The following OBP2B variants were observed in gnomAD, a reference collection of about 807,000 sequenced individuals.
OBP2B encodes odorant binding protein 2B, also known as odorant-binding protein 2b.
OBP2B carries 10 observed loss-of-function variants against 21.7 expected under a neutral mutation model. The ratio of observed to expected loss-of-function variants is 0.46; its 90% confidence interval spans 0.28 to 0.78. The LOEUF is 0.78. Ranked by LOEUF, OBP2B falls within the 30% of genes least tolerant of loss-of-function variation. The probability of loss-of-function intolerance (pLI) is 0.11; values close to 1 mark genes in which losing one functional copy is unlikely to be tolerated. For missense variants in OBP2B, 153 were observed against 217.7 expected (o/e 0.70, Z 1.87); for synonymous variants, 73 against 91.5 (o/e 0.80, Z 1.16).
chr9:133,218,543 A>C, the OBP2B span, among the ~76,000 whole-genome samples: 2 of 152,236 alleles, frequency 1.3e-5, no homozygotes, highest in Non-Finnish European at 2.9e-5. Flanking sequence ...CTGGGCATCC[A>C]GGAGAACAGG....
At chr9:133,211,662 C>T (rs1293849271), upstream of OBP2B, among the ~76,000 whole-genome samples, 1 of 152,164 alleles carries the variant, frequency 6.6e-6, no homozygotes, top group African/African-American at 2.4e-5. Flanking sequence ...TCAGATGGTC[C>T]TCAGAAGGAC....
chr9:133,221,977 C>A, the OBP2B span, among the ~76,000 whole-genome samples: 2 of 152,316 alleles, frequency 1.3e-5, no homozygotes, highest in South Asian at 2.1e-4. Context: ...GCAGAATCAT[C>A]CCCTCCTCCT....
In OBP2B at chr9:133,208,223, C is replaced by T. The variant is rs115922547; in HGVS notation, c.207-20G>A. 465 of 1,611,640 alleles carry T rather than the reference C, an allele frequency of 2.9e-4. No individual in the cohort carries two copies. The African/African-American group carries it at 4.2e-3, about 15-fold the overall frequency. On this transcript the variant is annotated intron_variant, in intron 2 of 6. Coordinates refer to ENST00000372034, the MANE Select transcript of OBP2B (RefSeq NM_014581.4). ...TCCCTCCTGGAAAACAGGAGACACG[C>T]GGGCAGCGGCTCCCAGGACACCCAT...
Position 133,208,224 on chromosome 9 carries a change from G to A in OBP2B, c.207-21C>T, listed in dbSNP as rs201677060. On this transcript the variant is annotated intron_variant, in intron 2 of 6. Coordinates refer to ENST00000372034, the MANE Select transcript of OBP2B (RefSeq NM_014581.4). ...CCCTCCTGGAAAACAGGAGACACGCGGGCAGCGGCTCCCAGGACACCCATG... is the reference window on the plus strand; with the variant it reads ...CCCTCCTGGAAAACAGGAGACACGCAGGCAGCGGCTCCCAGGACACCCATG... 6.4e-4 allele frequency: 1,037 copies of A among 1,611,578 alleles called. 2 individuals are homozygous for A. The highest frequency in any genetic ancestry group is 6.5e-4 in the Non-Finnish European group (771 of 1,179,486).
chr9:133,216,141 A>G, the OBP2B span, among the ~76,000 whole-genome samples: 3 of 151,758 alleles, frequency 2.0e-5, no homozygotes, highest in East Asian at 1.9e-4. Flanking sequence ...TTAACAGAAT[A>G]AAAAGACAAG....
chr9:133,211,459 G>A (rs1833915916), upstream of OBP2B, among the ~76,000 whole-genome samples: 1 of 152,188 alleles, frequency 6.6e-6, no homozygotes, highest in Non-Finnish European at 1.5e-5. Flanking sequence ...GATCGTTCCT[G>A]GTGCACGGAC....
upstream of OBP2B, among the ~76,000 whole-genome samples, chr9:133,210,358 C>T (rs549594334): frequency 5.9e-5 from 9 of 152,266 alleles, no homozygotes; most frequent in South Asian, 1.9e-3. Flanking sequence ...TACTAATGCA[C>T]ACTCTAATAA....
chr9:133,205,802 C>G, intron 6 of OBP2B, 115 bp downstream of exon 6: 1 of 1,324,308 alleles, frequency 7.6e-7, no homozygotes, highest in Non-Finnish European at 1.1e-6. Flanking sequence ...CGTGCCTGAC[C>G]CTGGGGGGGT....
upstream of OBP2B, among the ~76,000 whole-genome samples, chr9:133,209,953 A>G (rs1220634809): frequency 1.3e-5 from 2 of 151,944 alleles, no homozygotes; most frequent in East Asian, 1.9e-4. This position sits in a 1 kb window ranked among gnomAD's most constrained non-coding sequence, Gnocchi z 6.0. Flanking sequence ...TGTCCTGTCC[A>G]TTTCTTCCTG....
intron 1 of OBP2B, 99 bp from the exon 2 acceptor site, chr9:133,208,701 C>T: frequency 6.6e-7 from 1 of 1,525,008 alleles, no homozygotes; most frequent in Non-Finnish European, 8.8e-7. Context: ...CCCATGGTGC[C>T]CGGCTGCTGC....
upstream of OBP2B, among the ~76,000 whole-genome samples, chr9:133,210,228 G>A (rs571749688): frequency 7.9e-5 from 12 of 152,210 alleles, no homozygotes; most frequent in Admixed American, 6.5e-4. Context: ...CCAGGTGTGT[G>A]TCATCTTCCC....
chr9:133,207,980 G>T, intron 3 of OBP2B, 153 bp downstream of exon 3: 2 of 1,526,454 alleles, frequency 1.3e-6, no homozygotes, highest in Non-Finnish European at 1.8e-6. Flanking sequence ...AGGGCCACCA[G>T]CCCCCCAGGA....
upstream of OBP2B, among the ~76,000 whole-genome samples, chr9:133,213,824 T>C (rs1833944099): frequency 6.6e-6 from 1 of 152,182 alleles, no homozygotes; most frequent in South Asian, 2.1e-4. Context: ...GTCCATATGG[T>C]TTCATTAGAA....
At chr9:133,207,188 C>T (rs782701687) in intron 4 of OBP2B, 38 bp downstream of exon 4, 33 of 1,391,944 alleles carry the variant, frequency 2.4e-5, no homozygotes, top group East Asian at 1.1e-4. Flanking sequence ...AGGCAGAGAC[C>T]GTGGGGCAGG....
Position 133,207,208 on chromosome 9 carries a change from C to T in OBP2B, c.388+18G>A. ...GAGACCGTGGGGCAGGACACGCAGA[C>T]CCCAGCAAGCCCCTCACCCACAAGC... On this transcript the variant is annotated intron_variant, in intron 4 of 6. Transcript: ENST00000372034. 6.4e-7 allele frequency: 1 copy of T among 1,560,080 alleles called. No homozygotes were observed. Among genetic ancestry groups the T allele is most frequent in the Non-Finnish European group, 8.8e-7 (1 of 1,130,758 alleles).
upstream of OBP2B, among the ~76,000 whole-genome samples, chr9:133,213,375 A>G (rs1251357487): frequency 2.0e-5 from 3 of 152,242 alleles, no homozygotes; most frequent in African/African-American, 7.2e-5. Context: ...ACCTAGAAAA[A>G]GAAGAGCAAA....
At chr9:133,210,447 C>T (rs1442388445), upstream of OBP2B, among the ~76,000 whole-genome samples, 1 of 152,088 alleles carries the variant, frequency 6.6e-6, no homozygotes. Flanking sequence ...AGCAGAAACC[C>T]CCCACCCTCA....
rs1440252683 is a variant in OBP2B at position 133,205,341 on chromosome 9, G to C, written c.*72C>G. The C allele has an allele frequency of 1.1e-5, 17 of 1,530,188 alleles. No individual in the cohort carries two copies. The Admixed American group carries it at 1.8e-4, about 16-fold the overall frequency. 94.8% of individuals were successfully genotyped at this position (1,530,188 alleles called of 1,614,324 possible). On this transcript the variant is annotated 3_prime_UTR_variant, in exon 7 of 7. Coordinates refer to ENST00000372034, the MANE Select transcript of OBP2B (RefSeq NM_014581.4). ...GAGCAGGGAAGGGTCATGGCTGGAG[G>C]GTAGGTCCAGGTGGTCCAGGCTCTG...
intron 2 of OBP2B, 67 bp from the exon 3 acceptor site, chr9:133,208,270 G>A (rs1833808180): frequency 1.2e-6 from 2 of 1,606,726 alleles, no homozygotes; most frequent in Non-Finnish European, 1.7e-6. Flanking sequence ...AGCTCACCTG[G>A]TGCATGGCCC....
Sources: gnomAD v4.1 joint callset for allele counts (sites outside exome capture counted in the v4.1 genomes callset) on GRCh38, gnomAD v4.1.1 for gene constraint, Gnocchi (gnomAD v3.1) non-coding constraint, MANE v1.5 for transcripts, NCBI Gene and HGNC (gene_info 2026-07-23, HGNC 2026-07-21) for gene names.